THOP1: variants seen among roughly 807,000 people sequenced by gnomAD.
The protein encoded by THOP1 is thimet oligopeptidase.
Under a neutral mutation model 71.8 loss-of-function variants are expected in THOP1, and 49 were observed. The ratio of observed to expected loss-of-function variants is 0.68; its 90% CI spans 0.54 to 0.87. The LOEUF (loss-of-function observed/expected upper bound fraction) is 0.87. Ranked by LOEUF, THOP1 falls within the 40% of genes least tolerant of loss-of-function variation. The pLI, the probability that THOP1 is intolerant of heterozygous loss-of-function variation, is 0.00. For missense variants in THOP1, 843 were observed against 975.6 expected (o/e 0.86, Z 1.81); for synonymous variants, 426 against 421.5 (o/e 1.01, Z -0.13).
intron 5 of THOP1, among the ~76,000 whole-genome samples, chr19:2,802,802 C>A (rs939603377): frequency 6.6e-6 from 1 of 152,242 alleles, no homozygotes. Context: ...TCCCTCCTTG[C>A]CTGTCTTCTT....
At position 2,815,195 on chromosome 19, in the gene THOP1, A is replaced by C. The variant is rs1481598688; in HGVS notation, c.*1919A>C. The C allele has an allele frequency of 6.6e-6, 1 of 152,252 alleles. No homozygotes were observed. The highest frequency in any genetic ancestry group is 1.5e-5 in the Non-Finnish European group (1 of 68,088). The allele number at this position is 152,252 out of a possible 1,614,324, so 9.4% of individuals were successfully genotyped here. On this transcript the variant is annotated 3_prime_UTR_variant, in exon 13 of 13. Coordinates refer to ENST00000307741, the MANE Select transcript of THOP1 (RefSeq NM_003249.5). ...TGCCCCGAGCCCTCAGGTGGCCTCC[A>C]CCTGGTCCCCAGCGAAGTCCCAGTT...
intron 3 of THOP1, 56 bp from the exon 4 acceptor site, chr19:2,796,025 T>C: frequency 1.4e-6 from 2 of 1,433,754 alleles, no homozygotes; most frequent in Non-Finnish European, 2.0e-6. Flanking sequence ...GCCAAACTGC[T>C]CTTTGGAGCG....
chr19:2,790,587 C>T lies in THOP1; in HGVS notation c.183C>T (p.Tyr61=), dbSNP rs1235379807. 5 of 1,600,614 alleles carry T rather than the reference C, an allele frequency of 3.1e-6. No homozygotes were observed. The highest frequency in any genetic ancestry group is 3.4e-6 in the Non-Finnish European group (4 of 1,173,830). The change falls in exon 2 of 13, where the codon TAC becomes TAT. Residue 61 remains tyrosine (Y), a synonymous_variant. Transcript: ENST00000307741. ...VGTQEFEDVS[Y]ESTLKALADV... The stretch of plus-strand genomic sequence containing the variant: ...CCCAGGAGTTTGAGGACGTGTCCTA[C>T]GAGAGCACGCTCAAGGCGCTGGCCG...
chr19:2,810,817 C>T, intron 11 of THOP1, 49 bp downstream of exon 11: 1 of 1,574,268 alleles, frequency 6.4e-7, no homozygotes, highest in Non-Finnish European at 8.6e-7. Context: ...GCCTCAGCTG[C>T]TTCCCTGGGA....
chr19:2,799,378 A>G (rs1291734069), intron 4 of THOP1, among the ~76,000 whole-genome samples: 1 of 152,168 alleles, frequency 6.6e-6, no homozygotes, highest in African/African-American at 2.4e-5. Context: ...TCCTTAATGG[A>G]TAGGAGGGTC....
intron 5 of THOP1, among the ~76,000 whole-genome samples, chr19:2,803,988 C>T (rs1290447316): frequency 1.3e-5 from 2 of 150,318 alleles, no homozygotes; most frequent in Admixed American, 6.6e-5. Flanking sequence ...CTGGGGTCGG[C>T]GTGAGCTCCC....
intron 1 of THOP1, among the ~76,000 whole-genome samples, chr19:2,789,091 C>T (rs1347683009): frequency 2.0e-5 from 3 of 152,220 alleles, no homozygotes; most frequent in African/African-American, 4.8e-5. Context: ...ACCCCTGGAA[C>T]TGAAGATGAT....
rs761383414 is a variant in THOP1, at chr19:2,807,647, G to A, written c.1092G>A (p.Val364=). 1.2e-6 allele frequency: 2 copies of A among 1,609,890 alleles called. No homozygotes were observed. The highest frequency in any genetic ancestry group is 2.7e-5 in the African/African-American group (2 of 74,886). ...NLLKEYFPVQ[V]VTHGLLGIYQ... is the part of the protein sequence containing the mutation. ...TCAAGGAGTACTTCCCCGTGCAGGT[G>A]GTCACGCACGGGCTGCTGGGCATCT... Residue 364 remains valine (V), a synonymous_variant, in exon 8 of 13, where the codon GTG becomes GTA. Transcript: ENST00000307741.
At chr19:2,786,977 C>T (rs1255021621) in intron 1 of THOP1, 1 of 151,414 alleles carries the variant, frequency 6.6e-6, no homozygotes, top group Non-Finnish European at 1.5e-5. Flanking sequence ...GGATGATCTC[C>T]ATCTCCTGAC....
At chr19:2,797,041 A>G (rs1314708765) in intron 4 of THOP1, among the ~76,000 whole-genome samples, 1 of 152,204 alleles carries the variant, frequency 6.6e-6, no homozygotes, top group Non-Finnish European at 1.5e-5. Context: ...CACAGTTCCC[A>G]GGAACTGGCA....
intron 8 of THOP1, 143 bp from the exon 9 acceptor site, chr19:2,808,100 C>T (rs1192390161): frequency 5.0e-6 from 5 of 1,009,414 alleles, no homozygotes; most frequent in Non-Finnish European, 7.2e-6. Flanking sequence ...CTGCGCCAAG[C>T]CACCTCTGCT....
chr19:2,811,536 C>G (rs1331457753), intron 11 of THOP1, 62 bp from the exon 12 acceptor site: 25 of 1,563,546 alleles, frequency 1.6e-5, no homozygotes, highest in Non-Finnish European at 2.2e-5. Context: ...TGGTTGTCTT[C>G]TCCTGGAGGA....
chr19:2,790,631 C>T lies in THOP1; in HGVS notation c.227C>T (p.Thr76Ile). Residue 76 changes from threonine to isoleucine, a missense_variant and splice_region_variant, in exon 2 of 13, where the codon ACA becomes ATA. Coordinates refer to ENST00000307741, the MANE Select transcript of THOP1 (RefSeq NM_003249.5). ...KALADVEVTY[T>I]VQRNILDFPQ... ...CTGGCCGATGTGGAGGTCACCTACA[C>T]AGGTAAGTCCCAGGCAGGGTCTGTG... 1 of 1,550,082 alleles carries T rather than the reference C, an allele frequency of 6.5e-7. No individual in the cohort carries two copies. Among genetic ancestry groups the T allele is most frequent in the Non-Finnish European group, 8.7e-7 (1 of 1,149,368 alleles).
chr19:2,787,429 C>T (rs912638975), intron 1 of THOP1, among the ~76,000 whole-genome samples: 3 of 151,670 alleles, frequency 2.0e-5, no homozygotes, highest in African/African-American at 4.9e-5. Flanking sequence ...GATGAACTGA[C>T]GTCCACAAGT....
chr19:2,811,428 G>A lies in THOP1; in HGVS notation c.1772-170G>A, dbSNP rs575430705. 3.3e-5 allele frequency among the ~76,000 whole-genome samples: 5 copies of A among 152,286 alleles called. No homozygotes were observed. In the South Asian group the frequency reaches 1.0e-3, roughly 32 times the overall value. On this transcript the variant is annotated intron_variant, in intron 11 of 12. Transcript: ENST00000307741. ...GGCGGAGACTTGTGGCCCTCGCTTTGTGGCTGACTCTGGTTCTAGAAGTAT... is the reference window on the plus strand; with the variant it reads ...GGCGGAGACTTGTGGCCCTCGCTTTATGGCTGACTCTGGTTCTAGAAGTAT...
chr19:2,790,620 G>A lies in THOP1; in HGVS notation c.216G>A (p.Glu72=), dbSNP rs11557135. The A allele has an allele frequency of 0.013, 20,735 of 1,568,626 alleles. 262 individuals carry two copies. Among genetic ancestry groups the A allele is most frequent in the Admixed American group, 0.063 (3,357 of 52,940 alleles). ...ESTLKALADV[E]VTYTVQRNIL... is the part of the protein sequence containing the mutation. ...CGCTCAAGGCGCTGGCCGATGTGGA[G>A]GTCACCTACACAGGTAAGTCCCAGG... Residue 72 remains glutamate, a synonymous_variant, in exon 2 of 13, where the codon GAG becomes GAA. Transcript: ENST00000307741.
In THOP1 at chr19:2,796,026, C is replaced by T. The variant is rs866450912; in HGVS notation, c.379-55C>T. 4.1e-6 allele frequency: 6 copies of T among 1,454,598 alleles called. No individual in the cohort carries two copies. The Middle Eastern group carries it at 6.9e-4, about 168-fold the overall frequency. 90.1% of individuals were successfully genotyped at this position (1,454,598 alleles called of 1,614,324 possible). On this transcript the variant is annotated intron_variant, in intron 3 of 12. Coordinates refer to ENST00000307741, the MANE Select transcript of THOP1 (RefSeq NM_003249.5). ...GTTTTTAAGAAACTGCCAAACTGCT[C>T]TTTGGAGCGGCTGCACTGGCCCACG...
At position 2,807,792 on chromosome 19, in the gene THOP1, C is replaced by T; in HGVS notation, c.1237C>T (p.Leu413=). ...ASGEVVGKFY[L]DLYPREGKYG... is the part of the protein sequence containing the mutation. ...GGGGGAGGTGGTCGGCAAGTTCTACCTGGACCTGTACCCGCGGTGGGTGAG... is the reference window on the plus strand; with the variant it reads ...GGGGGAGGTGGTCGGCAAGTTCTACTTGGACCTGTACCCGCGGTGGGTGAG... The change falls in exon 8 of 13, where the codon CTG becomes TTG. Residue 413 remains leucine (L), a synonymous_variant. Coordinates refer to ENST00000307741, the MANE Select transcript of THOP1 (RefSeq NM_003249.5). 6.6e-7 allele frequency: 1 copy of T among 1,518,198 alleles called. No individual in the cohort carries two copies. The highest frequency in any genetic ancestry group is 8.8e-7 in the Non-Finnish European group (1 of 1,132,162). 94.0% of individuals were successfully genotyped at this position (1,518,198 alleles called of 1,614,324 possible).
At position 2,811,638 on chromosome 19, in the gene THOP1, C is replaced by T. The variant is rs756766131; in HGVS notation, c.1812C>T (p.Gly604=). 4.3e-6 allele frequency: 7 copies of T among 1,613,282 alleles called. No homozygotes were observed. Among genetic ancestry groups the T allele is most frequent in the Non-Finnish European group, 5.9e-6 (7 of 1,179,940 alleles). ...MPATFGHLAG[G]YDAQYYGYLW... is the part of the protein sequence containing the mutation. Reference sequence around the variant, plus strand: ...CAACCTTCGGCCATCTGGCAGGTGGCTACGACGCCCAGTACTACGGGTACC... The same window carrying T: ...CAACCTTCGGCCATCTGGCAGGTGGTTACGACGCCCAGTACTACGGGTACC... Residue 604 remains glycine (G), a synonymous_variant, in exon 12 of 13, where the codon GGC becomes GGT. Coordinates refer to ENST00000307741, the MANE Select transcript of THOP1 (RefSeq NM_003249.5).
Sources: allele counts gnomAD v4.1 joint callset (sites outside exome capture counted in the v4.1 genomes callset), GRCh38; gene constraint gnomAD v4.1.1; transcripts MANE v1.5; gene names NCBI Gene and HGNC (gene_info 2026-07-23, HGNC 2026-07-21).